The following PARD3B variants were observed in gnomAD, a reference collection of about 807,000 sequenced individuals.
The protein encoded by PARD3B is partitioning defective 3 homolog B.
In PARD3B, 103 loss-of-function variants were observed where a neutral mutation model predicts 130.2. That is an observed-to-expected ratio of 0.79 (90% CI 0.67 to 0.93). The LOEUF is 0.93. PARD3B is among the 40% of genes least tolerant of loss of function. The pLI, the probability that PARD3B is intolerant of heterozygous loss-of-function variation, is 0.00. For missense variants in PARD3B, 1,609 were observed against 1,499.2 expected (o/e 1.07, Z -1.21); for synonymous variants, 583 against 553.2 (o/e 1.05, Z -0.76).
chr2:204,898,068 G>A (rs1481879542), intron 2 of PARD3B, among the ~76,000 whole-genome samples: 3 of 151,684 alleles, frequency 2.0e-5, no homozygotes, highest in African/African-American at 4.8e-5. Flanking sequence ...CCAATACACT[G>A]TATACTTTAA....
chr2:205,207,646 C>A (rs2037394260), intron 15 of PARD3B, among the ~76,000 whole-genome samples: 3 of 143,482 alleles, frequency 2.1e-5, no homozygotes, highest in African/African-American at 8.2e-5. Context: ...TCGACACATA[C>A]AATCTCCCAA....
At chr2:205,024,355 G>A (rs924974979) in intron 3 of PARD3B, among the ~76,000 whole-genome samples, 25 of 151,762 alleles carry the variant, frequency 1.6e-4, no homozygotes, top group Admixed American at 1.1e-3. Flanking sequence ...TTTTAGTAGA[G>A]ATGGGGTTTT....
At chr2:204,834,215 G>T (rs768670557) in intron 2 of PARD3B, among the ~76,000 whole-genome samples, 15 of 152,008 alleles carry the variant, frequency 9.9e-5, no homozygotes, top group Admixed American at 2.0e-4. Context: ...GTGAATATTT[G>T]CTTTATGTGT....
At chr2:204,730,996 G>C (rs1260409069) in intron 2 of PARD3B, among the ~76,000 whole-genome samples, 1 of 152,166 alleles carries the variant, frequency 6.6e-6, no homozygotes, top group African/African-American at 2.4e-5. Context: ...AATTCTAAGA[G>C]ATTGTAAGTG....
At chr2:205,334,461 C>A (rs1435015826) in intron 18 of PARD3B, among the ~76,000 whole-genome samples, 2 of 152,108 alleles carry the variant, frequency 1.3e-5, no homozygotes, top group African/African-American at 4.8e-5. Flanking sequence ...AAGGTAAGAA[C>A]AAATGCATGC....
intron 2 of PARD3B, among the ~76,000 whole-genome samples, chr2:204,692,055 C>T (rs1218936761): frequency 6.6e-6 from 1 of 152,080 alleles, no homozygotes; most frequent in Non-Finnish European, 1.5e-5. Context: ...TGACCTAAAG[C>T]CAGGCTCTTT....
At chr2:205,609,192 G>T (rs2055134709) in intron 22 of PARD3B, among the ~76,000 whole-genome samples, 2 of 152,186 alleles carry the variant, frequency 1.3e-5, no homozygotes, top group African/African-American at 4.8e-5. Context: ...GAGGAGGAAG[G>T]TCTGGTAACT....
intron 2 of PARD3B, among the ~76,000 whole-genome samples, chr2:204,944,507 C>A (rs182362765): frequency 6.6e-6 from 1 of 152,174 alleles, no homozygotes; most frequent in East Asian, 1.9e-4. Context: ...TTGTGAAAGT[C>A]CTGTCTGAGG....
At chr2:204,881,985 T>C (rs2046071046) in intron 2 of PARD3B, among the ~76,000 whole-genome samples, 1 of 152,186 alleles carries the variant, frequency 6.6e-6, no homozygotes. Context: ...CACCCTTGAC[T>C]GAAGCATCAC....
rs143843542 is a variant in PARD3B at position 205,530,701 on chromosome 2, T to C, written c.3181-22623T>C. ...TAAGAGCTAACTTGGATTCCTTTCT[T>C]TCATAATCCCCTACAAAGTGTTGCA... On this transcript the variant is annotated intron_variant, in intron 21 of 22. Transcript: ENST00000406610. This position sits in a 1 kb window ranked among gnomAD's most constrained non-coding sequence, Gnocchi z 4.7. Among the ~76,000 whole-genome samples the C allele has an allele frequency of 7.1e-3, 1,084 of 151,626 alleles. 20 individuals carry two copies. Among genetic ancestry groups the C allele is most frequent in the African/African-American group, 0.025 (1,026 of 40,974 alleles).
Position 205,589,139 on chromosome 2 carries a change from T to C in PARD3B, c.3261-26317T>C, listed in dbSNP as rs535868965. Reference sequence around the variant, plus strand: ...CCCATTTCTACAAAAAATACAGATATTAACTGAGCATATTGGTGCATGTCT... The same window carrying C: ...CCCATTTCTACAAAAAATACAGATACTAACTGAGCATATTGGTGCATGTCT... On this transcript the variant is annotated intron_variant, in intron 22 of 22. Coordinates refer to ENST00000406610, the MANE Select transcript of PARD3B (RefSeq NM_001302769.2). This position sits in a 1 kb window ranked among gnomAD's most constrained non-coding sequence, Gnocchi z 4.1. Among the ~76,000 whole-genome samples the C allele has an allele frequency of 2.9e-4, 44 of 152,212 alleles. No individual in the cohort carries two copies. Among genetic ancestry groups the C allele is most frequent in the African/African-American group, 9.9e-4 (41 of 41,546 alleles).
chr2:204,829,568 C>T (rs1423213729), intron 2 of PARD3B, among the ~76,000 whole-genome samples: 6 of 152,122 alleles, frequency 3.9e-5, no homozygotes, highest in Admixed American at 1.3e-4. Context: ...GGTGTCCCCA[C>T]CCAAATCTCA....
At chr2:205,502,638 T>C (rs558443920) in intron 21 of PARD3B, among the ~76,000 whole-genome samples, 93 of 152,200 alleles carry the variant, frequency 6.1e-4, no homozygotes, top group Admixed American at 1.6e-3. Context: ...GGGGAACTTC[T>C]GAACTATGGA....
intron 2 of PARD3B, among the ~76,000 whole-genome samples, chr2:204,791,519 A>G (rs931028231): frequency 6.6e-6 from 1 of 152,242 alleles, no homozygotes; most frequent in Admixed American, 6.5e-5. Context: ...GTTTCAAAGA[A>G]TCAGAAGATT....
rs17251025 is a variant in PARD3B at position 205,265,247 on chromosome 2, G to C, written c.2185+19425G>C. Among the ~76,000 whole-genome samples the C allele has an allele frequency of 1.3e-5, 2 of 151,970 alleles. No individual in the cohort carries two copies. Among genetic ancestry groups the C allele is most frequent in the Admixed American group, 1.3e-4 (2 of 15,236 alleles). On this transcript the variant is annotated intron_variant, in intron 16 of 22. Transcript: ENST00000406610. The surrounding 1 kb of genome is among the most constrained non-coding windows in gnomAD (Gnocchi z 4.3). ...ACTTAGACAAAGCAAGGTCTTCCAA[G>C]AATAAGCACAAAATGTCTATACACA...
chr2:204,933,196 C>G (rs1688157797), intron 2 of PARD3B, among the ~76,000 whole-genome samples: 1 of 152,060 alleles, frequency 6.6e-6, no homozygotes, highest in African/African-American at 2.4e-5. Context: ...TGCATATCTG[C>G]CTGGAGTAAA....
chr2:205,034,615 C>T (rs1697668729), intron 3 of PARD3B, among the ~76,000 whole-genome samples: 2 of 152,086 alleles, frequency 1.3e-5, no homozygotes, highest in African/African-American at 4.8e-5. Flanking sequence ...AACAGATCCA[C>T]ATTTTGCAAT....
intron 2 of PARD3B, among the ~76,000 whole-genome samples, chr2:204,717,559 T>C (rs868821625): frequency 2.0e-5 from 3 of 152,058 alleles, no homozygotes; most frequent in Non-Finnish European, 2.9e-5. Flanking sequence ...GGAGAGAAGA[T>C]TGGAATTGTT....
At chr2:204,566,942 G>C (rs891354917) in intron 1 of PARD3B, among the ~76,000 whole-genome samples, 1 of 150,992 alleles carries the variant, frequency 6.6e-6, no homozygotes, top group Non-Finnish European at 1.5e-5. Flanking sequence ...GTAGTGGTGC[G>C]ATCTTGGCTC....
Sources: allele counts gnomAD v4.1 joint callset (sites outside exome capture counted in the v4.1 genomes callset), GRCh38; gene constraint gnomAD v4.1.1; non-coding constraint Gnocchi (gnomAD v3.1); transcripts MANE v1.5; gene names NCBI Gene and HGNC (gene_info 2026-07-23, HGNC 2026-07-21).